The following ZC3H8 variants were observed in gnomAD, a reference collection of about 807,000 sequenced individuals.
ZC3H8 encodes the protein zinc finger CCCH domain-containing protein 8.
A neutral mutation model predicts 42.5 loss-of-function variants in ZC3H8; 27 were observed. That is an observed-to-expected ratio of 0.64 (90% CI 0.47 to 0.88). The LOEUF (loss-of-function observed/expected upper bound fraction) is 0.88. Among genes scored for constraint, ZC3H8 ranks in the 40% least tolerant of loss-of-function variants. The probability of loss-of-function intolerance (pLI) is 0.00; values close to 1 mark genes in which losing one functional copy is unlikely to be tolerated. For missense variants in ZC3H8, 277 were observed against 336.1 expected (o/e 0.82, Z 1.37); for synonymous variants, 101 against 110.1 (o/e 0.92, Z 0.52).
chr2:112,224,223 G>C (rs1482080719), intron 8 of ZC3H8, among the ~76,000 whole-genome samples: 2 of 152,250 alleles, frequency 1.3e-5, no homozygotes, highest in South Asian at 2.1e-4. Flanking sequence ...TTTATATCAG[G>C]AACGTAAGGG....
intron 2 of ZC3H8, among the ~76,000 whole-genome samples, chr2:112,242,864 C>CA (rs1685633433): frequency 6.6e-6 from 1 of 151,972 alleles, no homozygotes; most frequent in African/African-American, 2.4e-5. Context: ...AAAAATAAAA[C>CA]AAAAACAAGA....
At chr2:112,221,512 G>A (rs1373920938) in intron 8 of ZC3H8, among the ~76,000 whole-genome samples, 2 of 152,078 alleles carry the variant, frequency 1.3e-5, no homozygotes, top group Non-Finnish European at 1.5e-5. Flanking sequence ...AAATTACCCA[G>A]TCTAAGGTAT....
chr2:112,244,007 T>C lies in ZC3H8; in HGVS notation c.157-5479A>G, dbSNP rs112319428. Reference sequence around the variant, plus strand: ...GATAAATAGAAACAGAGGAAATATCTTGGGATATAAAGAAAAAAGATAAAA... The same window carrying C: ...GATAAATAGAAACAGAGGAAATATCCTGGGATATAAAGAAAAAAGATAAAA... On this transcript the variant is annotated intron_variant, in intron 2 of 8. Transcript: ENST00000409573. 4.7e-3 allele frequency among the ~76,000 whole-genome samples: 644 copies of C among 137,654 alleles called. 7 individuals carry two copies. The highest frequency in any genetic ancestry group is 0.017 in the African/African-American group (601 of 34,920). 90.3% of individuals were successfully genotyped at this position (137,654 alleles called of 152,430 possible). A position where few individuals can be genotyped will look rare whatever the true frequency, so the allele number is the denominator to read the frequency against.
At position 112,241,908 on chromosome 2, in the gene ZC3H8, A is replaced by G. The variant is rs80068709; in HGVS notation, c.157-3380T>C. Among the ~76,000 whole-genome samples, 680 of 152,320 alleles carry G rather than the reference A, an allele frequency of 4.5e-3. 8 individuals carry two copies. The highest frequency in any genetic ancestry group is 0.016 in the African/African-American group (645 of 41,578). On this transcript the variant is annotated intron_variant, in intron 2 of 8. Coordinates refer to ENST00000409573, the MANE Select transcript of ZC3H8 (RefSeq NM_032494.3). ...TATTTTATACACTTAAAAAACTTGA[A>G]AAGGGGTCCATAGGCTTCACCAGAC...
At chr2:112,254,114 G>A in intron 1 of ZC3H8, 1 of 984,802 alleles carries the variant, frequency 1.0e-6, no homozygotes, top group Non-Finnish European at 1.2e-6. Flanking sequence ...AGCTCTGGAT[G>A]ATCAGTTAAG....
chr2:112,245,592 T>G (rs556492689), intron 2 of ZC3H8, among the ~76,000 whole-genome samples: 1 of 152,314 alleles, frequency 6.6e-6, no homozygotes, highest in East Asian at 1.9e-4. Flanking sequence ...AGGCAGACGA[T>G]GCAGTGAGCC....
chr2:112,226,160 A>G (rs937425645), intron 8 of ZC3H8, among the ~76,000 whole-genome samples: 1 of 152,178 alleles, frequency 6.6e-6, no homozygotes, highest in East Asian at 1.9e-4. Context: ...TTACGCCAAC[A>G]AAGTAGACAA....
Position 112,234,232 on chromosome 2 carries a change from C to T in ZC3H8, c.509G>A (p.Gly170Asp). The T allele has an allele frequency of 1.3e-6, 2 of 1,592,154 alleles. No homozygotes were observed. Among genetic ancestry groups the T allele is most frequent in the South Asian group, 2.3e-5 (2 of 85,866 alleles). The change falls in exon 5 of 9, where the codon GGT (glycine) becomes GAT (aspartate). Residue 170 changes from glycine (G) to aspartate (D), a missense_variant. Gly to Asp is a moderately conservative substitution (Grantham distance 94). Transcript: ENST00000409573. ...ATGCTGCTGCTTCTCTTTAGGTTTA[C>T]CATCCTTTAAAAACAAAAACAAAAA... ...LRNSGSQEED[G>D]KPKEKQQHLS...
chr2:112,227,278 A>C (rs373990238), intron 8 of ZC3H8, among the ~76,000 whole-genome samples: 1 of 152,240 alleles, frequency 6.6e-6, no homozygotes, highest in East Asian at 1.9e-4. Flanking sequence ...TAATCCCAGC[A>C]CTTTGGGAGG....
At chr2:112,238,605 T>C in intron 2 of ZC3H8, 77 bp from the exon 3 acceptor site, 5 of 1,267,256 alleles carry the variant, frequency 3.9e-6, no homozygotes, top group Admixed American at 4.4e-5. Context: ...AGAAACAAGA[T>C]TGGCTATAAA....
intron 8 of ZC3H8, among the ~76,000 whole-genome samples, chr2:112,221,032 A>G (rs1421837737): frequency 6.6e-6 from 1 of 152,206 alleles, no homozygotes; most frequent in African/African-American, 2.4e-5. Flanking sequence ...TTCATGGACA[A>G]TATCCTGAAA....
chr2:112,250,442 T>G (rs1189779487), intron 1 of ZC3H8, among the ~76,000 whole-genome samples, 170 bp from the exon 2 acceptor site: 1 of 152,222 alleles, frequency 6.6e-6, no homozygotes, highest in Non-Finnish European at 1.5e-5. Context: ...TGATGACCAA[T>G]AAATGTCCAT....
At chr2:112,219,647 G>T (rs549170205) in intron 8 of ZC3H8, among the ~76,000 whole-genome samples, 3 of 152,064 alleles carry the variant, frequency 2.0e-5, no homozygotes, top group East Asian at 3.9e-4. Context: ...TGTGAGTGGG[G>T]TGATTTTTTT....
chr2:112,240,880 CTTT>C, intron 2 of ZC3H8, among the ~76,000 whole-genome samples: 1 of 151,564 alleles, frequency 6.6e-6, no homozygotes, highest in East Asian at 1.9e-4. Context: ...GTCTAAATAA[CTTT>C]TTTTATTCAA....
intron 1 of ZC3H8, 111 bp from the exon 2 acceptor site, chr2:112,250,383 T>G (rs780240278): frequency 2.8e-5 from 18 of 644,500 alleles, no homozygotes; most frequent in Non-Finnish European, 2.2e-5. Context: ...CTCAAAGAAA[T>G]TACAAATTCA....
At position 112,214,490 on chromosome 2, in the gene ZC3H8, A is replaced by G. The variant is rs547518668; in HGVS notation, c.*1994T>C. ...ACTATGGTTTTATTATATATATATTATATATGCTTGGAGCTGCATCAAGGG... is the reference window on the plus strand; with the variant it reads ...ACTATGGTTTTATTATATATATATTGTATATGCTTGGAGCTGCATCAAGGG... On this transcript the variant is annotated 3_prime_UTR_variant, in exon 9 of 9. Transcript: ENST00000409573. 30 of 152,052 alleles carry G rather than the reference A, an allele frequency of 2.0e-4. No individual in the cohort carries two copies. Among genetic ancestry groups the G allele is most frequent in the Non-Finnish European group, 3.2e-4 (22 of 68,034 alleles). The allele number at this position is 152,052 out of a possible 1,614,324, so 9.4% of individuals were successfully genotyped here.
intron 2 of ZC3H8, among the ~76,000 whole-genome samples, chr2:112,248,360 A>AAAGAAG (rs1558933762): frequency 6.6e-6 from 1 of 152,096 alleles, no homozygotes. Context: ...AGAAAAAGAA[A>AAAGAAG]AGGAAAAAAA....
chr2:112,228,703 C>T (rs554859621), intron 8 of ZC3H8, among the ~76,000 whole-genome samples: 6 of 152,102 alleles, frequency 3.9e-5, no homozygotes, highest in Non-Finnish European at 7.4e-5. Context: ...AGATACAACA[C>T]GGAAAGCATG....
intron 6 of ZC3H8, 58 bp from the exon 7 acceptor site, chr2:112,232,005 C>G: frequency 9.6e-7 from 1 of 1,045,436 alleles, no homozygotes; most frequent in Non-Finnish European, 1.4e-6. Flanking sequence ...ATGTTATTAA[C>G]TTAATGACTT....
Sources: gnomAD v4.1 joint callset for allele counts (sites outside exome capture counted in the v4.1 genomes callset) on GRCh38, gnomAD v4.1.1 for gene constraint, MANE v1.5 for transcripts, NCBI Gene and HGNC (gene_info 2026-07-23, HGNC 2026-07-21) for gene names.